The following KDM4C variants were observed in gnomAD, a reference collection of about 807,000 sequenced individuals.
The protein encoded by KDM4C is lysine demethylase 4C, also known as lysine-specific demethylase 4C.
Under a neutral mutation model 129.3 loss-of-function variants are expected in KDM4C, and 81 were observed. The observed-to-expected ratio is 0.63, with a 90% CI of 0.52 to 0.75. The LOEUF (loss-of-function observed/expected upper bound fraction) is 0.75, where lower values mean the gene tolerates loss of function less well. Among genes scored for constraint, KDM4C ranks in the 30% least tolerant of loss-of-function variants. The pLI is 0.00. For synonymous variants in KDM4C, 573 were observed against 456.1 expected (o/e 1.26, Z -3.26); for missense variants, 1,457 against 1,304.0 (o/e 1.12, Z -1.81).
At chr9:6,857,378 A>G (rs1052006182) in intron 5 of KDM4C, among the ~76,000 whole-genome samples, 1 of 152,266 alleles carries the variant, frequency 6.6e-6, no homozygotes, top group Non-Finnish European at 1.5e-5. Context: ...AGCTTTGTAC[A>G]TAGCTGCTAG....
In KDM4C at chr9:7,133,247, TA is replaced by T. The variant is rs1840834475; in HGVS notation, c.2781+5012del. 2.0e-5 allele frequency among the ~76,000 whole-genome samples: 3 copies of T among 152,196 alleles called. No homozygotes were observed. In the South Asian group the frequency reaches 6.2e-4, roughly 32 times the overall value. Reference sequence around the variant, plus strand: ...TTTTCTTTTTCCTTCCCATCTAGTTTATACTAACCTTTTCTGGTCTTGAAAT... The same window carrying T: ...TTTTCTTTTTCCTTCCCATCTAGTTTTACTAACCTTTTCTGGTCTTGAAAT... On this transcript the variant is annotated intron_variant, in intron 19 of 21. Coordinates refer to ENST00000381309, the MANE Select transcript of KDM4C (RefSeq NM_015061.6).
chr9:6,940,871 A>G (rs1050378169), intron 8 of KDM4C, among the ~76,000 whole-genome samples: 6 of 150,036 alleles, frequency 4.0e-5, no homozygotes, highest in Admixed American at 2.7e-4. Flanking sequence ...TACAGCATCT[A>G]TAAGAAACTT....
At chr9:7,070,996 T>A (rs1833117164) in intron 17 of KDM4C, among the ~76,000 whole-genome samples, 1 of 152,196 alleles carries the variant, frequency 6.6e-6, no homozygotes, top group African/African-American at 2.4e-5. Flanking sequence ...GGGTACAAGG[T>A]TAAAAAATTT....
At chr9:6,976,835 A>G (rs1017393142) in intron 8 of KDM4C, among the ~76,000 whole-genome samples, 12 of 151,424 alleles carry the variant, frequency 7.9e-5, no homozygotes, top group African/African-American at 2.9e-4. Flanking sequence ...TTTTGGCATA[A>G]GTCATTTTTA....
chr9:6,893,285 T>TA, intron 8 of KDM4C, 53 bp downstream of exon 8: 2 of 1,478,044 alleles, frequency 1.4e-6, no homozygotes. Flanking sequence ...TCTGGTTATT[T>TA]TAGTAGGAAC....
intron 15 of KDM4C, among the ~76,000 whole-genome samples, chr9:7,020,948 T>G (rs1324780783): frequency 6.7e-6 from 1 of 150,078 alleles, no homozygotes; most frequent in Non-Finnish European, 1.5e-5. Flanking sequence ...CCATTCCCAT[T>G]CCCCTCACCC....
At chr9:7,016,406 C>T (rs1010275864) in intron 15 of KDM4C, among the ~76,000 whole-genome samples, 3 of 138,524 alleles carry the variant, frequency 2.2e-5, no homozygotes, top group African/African-American at 5.3e-5. Flanking sequence ...GGATTACAGG[C>T]GGGAGCCACT....
chr9:7,099,799 T>C (rs990567084), intron 17 of KDM4C, among the ~76,000 whole-genome samples: 1 of 152,260 alleles, frequency 6.6e-6, no homozygotes. Flanking sequence ...TAACAGCTTT[T>C]GGCTGGGTGA....
intron 12 of KDM4C, among the ~76,000 whole-genome samples, chr9:6,995,022 G>T (rs1267440664): frequency 1.3e-5 from 2 of 151,132 alleles, no homozygotes; most frequent in African/African-American, 4.9e-5. Context: ...TTTAGGCTAT[G>T]GTGGTTGTAC....
rs200393145 is a variant in KDM4C, at chr9:7,046,842, G to A, written c.2260-20G>A. The A allele has an allele frequency of 9.4e-5, 148 of 1,577,282 alleles. No homozygotes were observed. The highest frequency in any genetic ancestry group is 1.7e-4 in the Middle Eastern group (1 of 6,006). ...GTTATGTGGGTCTGGTCATCATGTG[G>A]TATTTTCTTTTCCCCCCAGGAATGC... On this transcript the variant is annotated intron_variant, in intron 15 of 21. Coordinates refer to ENST00000381309, the MANE Select transcript of KDM4C (RefSeq NM_015061.6).
intron 21 of KDM4C, chr9:7,170,569 A>G (rs925930737): frequency 3.1e-6 from 3 of 952,760 alleles, no homozygotes; most frequent in Admixed American, 6.2e-5. Context: ...ACTTCATATT[A>G]TTGTATCATA....
chr9:7,087,571 T>G (rs911770937), intron 17 of KDM4C, among the ~76,000 whole-genome samples: 2 of 152,168 alleles, frequency 1.3e-5, no homozygotes, highest in African/African-American at 4.8e-5. Flanking sequence ...TATGCATATT[T>G]TTGTTAAAGA....
At chr9:6,992,877 T>C (rs1001084572) in intron 12 of KDM4C, among the ~76,000 whole-genome samples, 6 of 152,226 alleles carry the variant, frequency 3.9e-5, no homozygotes, top group East Asian at 1.9e-4. Context: ...CATTTCTCTA[T>C]TGAAGCTGGA....
chr9:6,764,716 T>C (rs918347590), intron 1 of KDM4C, among the ~76,000 whole-genome samples: 2 of 152,362 alleles, frequency 1.3e-5, no homozygotes, highest in Admixed American at 1.3e-4. Context: ...TCTGGGTTTA[T>C]ATTGTATATT....
chr9:6,776,534 C>G (rs1823082297), intron 1 of KDM4C, among the ~76,000 whole-genome samples: 2 of 142,934 alleles, frequency 1.4e-5, no homozygotes, highest in African/African-American at 5.2e-5. Context: ...GCCACTGTGC[C>G]CAGCCTCAAC....
intron 15 of KDM4C, among the ~76,000 whole-genome samples, chr9:7,024,724 A>T (rs1437700122): frequency 6.6e-6 from 1 of 152,194 alleles, no homozygotes; most frequent in South Asian, 2.1e-4. Flanking sequence ...TTCTTAATCC[A>T]GTCTACCATT....
At chr9:6,974,212 G>A (rs1832535674) in intron 8 of KDM4C, among the ~76,000 whole-genome samples, 1 of 152,174 alleles carries the variant, frequency 6.6e-6, no homozygotes, top group Non-Finnish European at 1.5e-5. Flanking sequence ...CGTTCTAATT[G>A]TGTTAACTTC....
chr9:6,792,900 C>T lies in KDM4C; in HGVS notation c.-17-72C>T. The stretch of plus-strand genomic sequence containing the variant: ...GAAGGGTTCCTGCTGGGGGAGCTGA[C>T]ATACTATTTGTTAAAAATGACCTAA... On this transcript the variant is annotated intron_variant, in intron 1 of 21. Transcript: ENST00000381309. 3.4e-6 allele frequency: 5 copies of T among 1,452,430 alleles called. No individual in the cohort carries two copies. The East Asian group carries it at 6.8e-5, about 20-fold the overall frequency. The allele number at this position is 1,452,430 out of a possible 1,614,324, so 90.0% of individuals were successfully genotyped here. A position where few individuals can be genotyped will look rare whatever the true frequency, so the allele number is the denominator to read the frequency against.
At chr9:6,728,571 G>T (rs1817220095) in intron 1 of KDM4C, among the ~76,000 whole-genome samples, 1 of 150,110 alleles carries the variant, frequency 6.7e-6, no homozygotes, top group Non-Finnish European at 1.5e-5. Context: ...TCTTGGCCGG[G>T]CTCAGTGGCT....
Sources: allele counts gnomAD v4.1 joint callset (sites outside exome capture counted in the v4.1 genomes callset), GRCh38; gene constraint gnomAD v4.1.1; transcripts MANE v1.5; gene names NCBI Gene and HGNC (gene_info 2026-07-23, HGNC 2026-07-21).